The following TNIP2 variants were observed in gnomAD, a reference collection of about 807,000 sequenced individuals.
TNIP2 encodes TNFAIP3 interacting protein 2, also known as TNFAIP3-interacting protein 2.
A neutral mutation model predicts 43.7 loss-of-function variants in TNIP2; 30 were observed. The ratio of observed to expected loss-of-function variants is 0.69; its 90% CI spans 0.51 to 0.93. The LOEUF (loss-of-function observed/expected upper bound fraction) is 0.93. Ranked by LOEUF, TNIP2 falls within the 40% of genes least tolerant of loss-of-function variation. The probability of loss-of-function intolerance (pLI) is 0.00; values close to 1 mark genes in which losing one functional copy is unlikely to be tolerated. For missense variants in TNIP2, 599 were observed against 591.0 expected (o/e 1.01, Z -0.14); for synonymous variants, 260 against 254.6 (o/e 1.02, Z -0.20).
Position 2,756,236 on chromosome 4 carries a change from G to T in TNIP2, c.54C>A (p.Ala18=). The T allele has an allele frequency of 6.9e-7, 1 of 1,454,662 alleles. No individual in the cohort carries two copies. Among genetic ancestry groups the T allele is most frequent in the Non-Finnish European group, 9.0e-7 (1 of 1,109,334 alleles). The allele number at this position is 1,454,662 out of a possible 1,614,324, so 90.1% of individuals were successfully genotyped here. The change falls in exon 1 of 6, where the codon GCC becomes GCA. Residue 18 remains alanine (A), a synonymous_variant. Coordinates refer to ENST00000315423, the MANE Select transcript of TNIP2 (RefSeq NM_024309.4). The part of the protein sequence containing the change: ...GGWEEAPRAA[A]ALCTLYHEAG... ...CCTCGTGGTACAGGGTGCAGAGCGCGGCAGCTGCGCGCGGGGCCTCCTCCC... is the reference window on the plus strand; with the variant it reads ...CCTCGTGGTACAGGGTGCAGAGCGCTGCAGCTGCGCGCGGGGCCTCCTCCC...
chr4:2,744,233 G>A lies in TNIP2; in HGVS notation c.1026+154C>T, dbSNP rs919470145. Among the ~76,000 whole-genome samples the A allele has an allele frequency of 3.3e-5, 5 of 152,148 alleles. No individual in the cohort carries two copies. Among genetic ancestry groups the A allele is most frequent in the Admixed American group, 3.3e-4 (5 of 15,276 alleles). ...TTCCATGACCACGCCCAGGTACCAGGCCAGGTGGCTCTCCCCACAGCAGGG... is the reference window on the plus strand; with the variant it reads ...TTCCATGACCACGCCCAGGTACCAGACCAGGTGGCTCTCCCCACAGCAGGG... On this transcript the variant is annotated intron_variant, in intron 5 of 5. Coordinates refer to ENST00000315423, the MANE Select transcript of TNIP2 (RefSeq NM_024309.4). The surrounding 1 kb of genome is among the most constrained non-coding windows in gnomAD (Gnocchi z 5.1).
Position 2,756,321 on chromosome 4 carries a change from C to T in TNIP2, c.-32G>A. On this transcript the variant is annotated 5_prime_UTR_variant, in exon 1 of 6. Transcript: ENST00000315423. ...AGGCCCGCCCGGGAGGCCGCGCGGC[C>T]GCCGGCAACTTCCGCGCCCGGGCCC... The T allele has an allele frequency of 8.4e-7, 1 of 1,193,364 alleles. No individual in the cohort carries two copies. Among genetic ancestry groups the T allele is most frequent in the Non-Finnish European group, 1.0e-6 (1 of 961,330 alleles). The allele number at this position is 1,193,364 out of a possible 1,614,324, so 73.9% of individuals were successfully genotyped here.
chr4:2,753,794 CCT>C (rs1270430163), intron 1 of TNIP2, among the ~76,000 whole-genome samples: 1 of 152,210 alleles, frequency 6.6e-6, no homozygotes, highest in Non-Finnish European at 1.5e-5. Flanking sequence ...GACCAGGTGA[CCT>C]CTAAACTTCC....
intron 2 of TNIP2, chr4:2,746,255 C>T (rs886104605): frequency 2.6e-5 from 4 of 152,238 alleles, no homozygotes; most frequent in African/African-American, 9.7e-5. Context: ...TTGAGAATTC[C>T]CCTCAAATGA....
At chr4:2,746,514 C>T (rs1721951689) in intron 2 of TNIP2, among the ~76,000 whole-genome samples, 1 of 152,222 alleles carries the variant, frequency 6.6e-6, no homozygotes, top group Non-Finnish European at 1.5e-5. Flanking sequence ...CCTCTGGTTT[C>T]TGAATGCAGC....
At chr4:2,750,394 C>A (rs1026480396) in intron 1 of TNIP2, among the ~76,000 whole-genome samples, 1 of 96,758 alleles carries the variant, frequency 1.0e-5, no homozygotes, top group African/African-American at 4.0e-5. Context: ...CTGCGAGAAC[C>A]CTGATTATTA....
At position 2,754,574 on chromosome 4, in the gene TNIP2, GC is replaced by G. The variant is rs949551445; in HGVS notation, c.276+1439del. Among the ~76,000 whole-genome samples the G allele has an allele frequency of 5.9e-5, 9 of 152,216 alleles. No individual in the cohort carries two copies. The East Asian group carries it at 1.7e-3, about 29-fold the overall frequency. On this transcript the variant is annotated intron_variant, in intron 1 of 5. Transcript: ENST00000315423. ...TGGGACTACAGGCGCCCGCCACCAC[GC>G]CCAGCTAATTTTTTGTATTTTTAGT...
Position 2,742,215 on chromosome 4 carries a change from T to C in TNIP2, c.*42A>G. The C allele has an allele frequency of 1.4e-6, 2 of 1,421,698 alleles. No homozygotes were observed. Among genetic ancestry groups the C allele is most frequent in the East Asian group, 2.6e-5 (1 of 38,104 alleles). The allele number at this position is 1,421,698 out of a possible 1,614,324, so 88.1% of individuals were successfully genotyped here. A position where few individuals can be genotyped will look rare whatever the true frequency, so the allele number is the denominator to read the frequency against. Reference sequence around the variant, plus strand: ...CACCCACCCTGTCCCTGAGGGCAGCTGCACCGGGCCAGGAGGCCGCAAGGG... The same window carrying C: ...CACCCACCCTGTCCCTGAGGGCAGCCGCACCGGGCCAGGAGGCCGCAAGGG... On this transcript the variant is annotated 3_prime_UTR_variant, in exon 6 of 6. Coordinates refer to ENST00000315423, the MANE Select transcript of TNIP2 (RefSeq NM_024309.4).
chr4:2,742,472 C>A lies in TNIP2; in HGVS notation c.1075G>T (p.Ala359Ser). Reference sequence around the variant, plus strand: ...AATGCGTCGGCGGCCAAATACTTGGCAGTTTTGCTCCCAGCGTGAATCCGG... The same window carrying A: ...AATGCGTCGGCGGCCAAATACTTGGAAGTTTTGCTCCCAGCGTGAATCCGG... ...AGRIHAGSKT[A>S]KYLAADALEL... Residue 359 changes from alanine (A) to serine (S), a missense_variant, in exon 6 of 6, where the codon GCC becomes TCC. Transcript: ENST00000315423. The A allele has an allele frequency of 6.2e-7, 1 of 1,606,496 alleles. No homozygotes were observed. The highest frequency in any genetic ancestry group is 8.5e-7 in the Non-Finnish European group (1 of 1,175,190).
intron 1 of TNIP2, among the ~76,000 whole-genome samples, chr4:2,751,887 C>T (rs747941196): frequency 1.1e-4 from 17 of 151,354 alleles, no homozygotes; most frequent in Non-Finnish European, 2.1e-4. Flanking sequence ...GGGTGGATCA[C>T]GAGGTCAGGA....
Position 2,742,503 on chromosome 4 carries a change from G to T in TNIP2, c.1044C>A (p.Asp348Glu). 4 of 1,593,050 alleles carry T rather than the reference G, an allele frequency of 2.5e-6. No homozygotes were observed. The highest frequency in any genetic ancestry group is 3.4e-6 in the Non-Finnish European group (4 of 1,166,190). Residue 348 changes from aspartate (D) to glutamate (E), a missense_variant, in exon 6 of 6, where the codon GAC (aspartate) becomes GAA (glutamate). Coordinates refer to ENST00000315423, the MANE Select transcript of TNIP2 (RefSeq NM_024309.4). ...VSWRQDSREP[D>E]AGRIHAGSKT... ...TGCTCCCAGCGTGAATCCGGCCGGC[G>T]TCTGGCTCTCGAGAATCCTGGAGAA... is the stretch of plus-strand genomic sequence containing the variant.
intron 1 of TNIP2, among the ~76,000 whole-genome samples, chr4:2,754,707 G>A (rs10011484): frequency 0.02 from 3,081 of 152,208 alleles, 63 homozygotes; most frequent in African/African-American, 0.052. Context: ...GAGCCACCGC[G>A]TCCGGACCCT....
chr4:2,744,822 TCTC>T lies in TNIP2; in HGVS notation c.778_780del (p.Glu260del), dbSNP rs1560643468. 1 of 1,613,846 alleles carries T rather than the reference TCTC, an allele frequency of 6.2e-7. No homozygotes were observed. Among genetic ancestry groups the T allele is most frequent in the Non-Finnish European group, 8.5e-7 (1 of 1,180,040 alleles). On this transcript the variant is annotated inframe_deletion, in exon 4 of 6. Coordinates refer to ENST00000315423, the MANE Select transcript of TNIP2 (RefSeq NM_024309.4). The surrounding 1 kb of genome is among the most constrained non-coding windows in gnomAD (Gnocchi z 5.1). The stretch of plus-strand genomic sequence containing the variant: ...TCCAACTGTCTGTTGAGCCGGGAGA[TCTC>T]CTTCCTCATCAGCTCGGGCTCGTGG...
rs1039130356 is a variant in TNIP2 at position 2,745,257 on chromosome 4, G to A, written c.657+189C>T. ...CTGACTTGTGGATTAATTTTAGGGG[G>A]ATGGAGATGGACAGGACATGTCCCG... On this transcript the variant is annotated intron_variant, in intron 3 of 5. Coordinates refer to ENST00000315423, the MANE Select transcript of TNIP2 (RefSeq NM_024309.4). 8.2e-6 allele frequency: 5 copies of A among 611,412 alleles called. No homozygotes were observed. In the East Asian group the frequency reaches 1.1e-4, roughly 13 times the overall value. 37.9% of individuals were successfully genotyped at this position (611,412 alleles called of 1,614,324 possible). A position where few individuals can be genotyped will look rare whatever the true frequency, so the allele number is the denominator to read the frequency against.
Position 2,751,612 on chromosome 4 carries a change from A to G in TNIP2, c.277-3667T>C, listed in dbSNP as rs866087898. ...TGGCGAGACCTTGTCTCTACAAAAA[A>G]TACAAAAAACATTAGCCAGGCATGG... On this transcript the variant is annotated intron_variant, in intron 1 of 5. Coordinates refer to ENST00000315423, the MANE Select transcript of TNIP2 (RefSeq NM_024309.4). Among the ~76,000 whole-genome samples the G allele has an allele frequency of 4.6e-5, 7 of 152,060 alleles. No individual in the cohort carries two copies. The South Asian group carries it at 1.5e-3, about 32-fold the overall frequency.
In TNIP2 at chr4:2,756,115, C is replaced by A. The variant is rs1473303620; in HGVS notation, c.175G>T (p.Ala59Ser). The change falls in exon 1 of 6, where the codon GCC (alanine) becomes TCC (serine). Residue 59 changes from alanine to serine, a missense_variant. Ala to Ser is a moderately conservative substitution (Grantham distance 99). Transcript: ENST00000315423. ...AGCGCGTCCACTAGGGACGGCGCGG[C>A]GTCCCCCTCCAGCGCGGCCAGGCGG... Reference protein sequence around the residue: ...RARLAALEGDAAPSLVDALLE... With the variant: ...RARLAALEGDSAPSLVDALLE... 3.4e-6 allele frequency: 5 copies of A among 1,482,292 alleles called. No individual in the cohort carries two copies. The African/African-American group carries it at 5.8e-5, about 17-fold the overall frequency. The allele number at this position is 1,482,292 out of a possible 1,614,324, so 91.8% of individuals were successfully genotyped here. A position where few individuals can be genotyped will look rare whatever the true frequency, so the allele number is the denominator to read the frequency against.
intron 1 of TNIP2, among the ~76,000 whole-genome samples, chr4:2,748,744 T>C (rs575672524): frequency 1.5e-5 from 2 of 136,706 alleles, no homozygotes; most frequent in African/African-American, 6.2e-5. Context: ...TCCGCCAGCC[T>C]TGGCCTCCCA....
chr4:2,755,940 C>G (rs1708989), intron 1 of TNIP2, 74 bp downstream of exon 1: 84 of 1,437,774 alleles, frequency 5.8e-5, no homozygotes, highest in Non-Finnish European at 5.3e-5. Context: ...GGCCCGCTCG[C>G]TCACCCACCC....
chr4:2,753,101 C>G (rs755770550), intron 1 of TNIP2, among the ~76,000 whole-genome samples: 37 of 151,768 alleles, frequency 2.4e-4, no homozygotes, highest in Non-Finnish European at 4.3e-4. Flanking sequence ...AATAAAAAAA[C>G]AAACAAACAA....
Sources: gnomAD v4.1 joint callset for allele counts (sites outside exome capture counted in the v4.1 genomes callset) on GRCh38, gnomAD v4.1.1 for gene constraint, Gnocchi (gnomAD v3.1) non-coding constraint, MANE v1.5 for transcripts, NCBI Gene and HGNC (gene_info 2026-07-23, HGNC 2026-07-21) for gene names.